The following SCPEP1 variants were observed in gnomAD, a reference collection of about 807,000 sequenced individuals.
SCPEP1 encodes serine carboxypeptidase 1, also known as retinoid-inducible serine carboxypeptidase.
In SCPEP1, 51 loss-of-function variants were observed where a neutral mutation model predicts 63.8. The ratio of observed to expected loss-of-function variants is 0.80; its 90% CI spans 0.64 to 1.01. The LOEUF is 1.01. Ranked by LOEUF, SCPEP1 falls within the 50% of genes least tolerant of loss-of-function variation. The pLI is 0.00. For synonymous variants in SCPEP1, 204 were observed against 207.8 expected (o/e 0.98, Z 0.16); for missense variants, 499 against 554.9 (o/e 0.90, Z 1.01).
intron 10 of SCPEP1, among the ~76,000 whole-genome samples, chr17:57,000,083 G>C (rs1442500321): frequency 6.6e-6 from 1 of 152,136 alleles, no homozygotes; most frequent in Non-Finnish European, 1.5e-5. Context: ...CTGGGAGGTA[G>C]AGGCTGCAGT....
At chr17:56,998,691 GC>G (rs1911648801) in intron 10 of SCPEP1, among the ~76,000 whole-genome samples, 193 bp downstream of exon 10, 1 of 152,206 alleles carries the variant, frequency 6.6e-6, no homozygotes, top group Non-Finnish European at 1.5e-5. Context: ...AGGGCTGGAT[GC>G]AGTGGCTCAC....
intron 8 of SCPEP1, chr17:56,995,903 T>G: frequency 4.8e-6 from 1 of 207,542 alleles, no homozygotes; most frequent in Admixed American, 5.9e-5. Context: ...AAGACTGTCT[T>G]GCAGAGGTGA....
Position 56,990,267 on chromosome 17 carries a change from A to G in SCPEP1, c.547-832A>G, listed in dbSNP as rs1039043082. ...AGTCAGTTGGTGAGTGTGAGGGCAC[A>G]AATGAGACAAAGTAAAAGACTTTCA... On this transcript the variant is annotated intron_variant, in intron 5 of 12. Transcript: ENST00000262288. Among the ~76,000 whole-genome samples the G allele has an allele frequency of 2.0e-5, 3 of 152,272 alleles. No individual in the cohort carries two copies. In the South Asian group the frequency reaches 6.2e-4, roughly 32 times the overall value.
intron 3 of SCPEP1, among the ~76,000 whole-genome samples, chr17:56,986,539 T>C (rs1285452994): frequency 1.4e-5 from 2 of 139,730 alleles, no homozygotes; most frequent in Non-Finnish European, 3.1e-5. Flanking sequence ...TTTCTTTGTT[T>C]TTTTTTTTCT....
chr17:57,004,905 T>C (rs1911840266), intron 12 of SCPEP1, among the ~76,000 whole-genome samples: 2 of 152,214 alleles, frequency 1.3e-5, no homozygotes, highest in African/African-American at 2.4e-5. Context: ...TACTTCACAG[T>C]AAGAAATACA....
In SCPEP1 at chr17:56,978,135, C is replaced by A; in HGVS notation, c.-25C>A. 9.4e-7 allele frequency: 1 copy of A among 1,065,566 alleles called. No individual in the cohort carries two copies. Among genetic ancestry groups the A allele is most frequent in the Non-Finnish European group, 1.3e-6 (1 of 747,724 alleles). 66.0% of individuals were successfully genotyped at this position (1,065,566 alleles called of 1,614,324 possible). On this transcript the variant is annotated 5_prime_UTR_variant, in exon 1 of 13. It adds an upstream start codon to the 5' untranslated region. Coordinates refer to ENST00000262288, the MANE Select transcript of SCPEP1 (RefSeq NM_021626.3). ...ATGGGGCGCCGGGTCCAGCCTGTTG[C>A]TGATGCTGCCGTGCGGTACTTGTCA...
intron 9 of SCPEP1, 143 bp from the exon 10 acceptor site, chr17:56,998,242 C>T (rs1042857658): frequency 2.7e-5 from 15 of 550,152 alleles, no homozygotes; most frequent in Admixed American, 2.1e-4. Flanking sequence ...ACCCAGGAGG[C>T]GGAGGTTTCA....
intron 8 of SCPEP1, among the ~76,000 whole-genome samples, chr17:56,996,430 C>A (rs1911562395): frequency 6.6e-6 from 1 of 152,106 alleles, no homozygotes; most frequent in Non-Finnish European, 1.5e-5. Flanking sequence ...GTCTTGAACT[C>A]CTGACCTTAG....
chr17:56,998,343 A>T, intron 9 of SCPEP1, 42 bp from the exon 10 acceptor site: 2 of 1,348,852 alleles, frequency 1.5e-6, no homozygotes, highest in Non-Finnish European at 1.1e-6. Context: ...TCTTGGCCTT[A>T]CTTCCAGCCC....
chr17:56,997,050 A>C lies in SCPEP1; in HGVS notation c.875A>C (p.His292Pro). Reference protein sequence around the residue: ...MESSLEFTQSHLVCLCQRHVR... With the variant: ...MESSLEFTQSPLVCLCQRHVR... ...TCGAGTCTAGAATTCACACAGAGCCACCTAGGTGAGTGAACCTTGAAGTTA... is the reference window on the plus strand; with the variant it reads ...TCGAGTCTAGAATTCACACAGAGCCCCCTAGGTGAGTGAACCTTGAAGTTA... The change falls in exon 9 of 13, where the codon CAC becomes CCC. Residue 292 changes from histidine to proline, a missense_variant. By Grantham distance (77) the His-to-Pro change is moderately conservative (BLOSUM62 -2). Transcript: ENST00000262288. 1 of 1,582,500 alleles carries C rather than the reference A, an allele frequency of 6.3e-7. No individual in the cohort carries two copies. Among genetic ancestry groups the C allele is most frequent in the Non-Finnish European group, 8.6e-7 (1 of 1,161,626 alleles).
intron 3 of SCPEP1, chr17:56,987,346 C>G (rs1038689714): frequency 1.6e-5 from 3 of 182,170 alleles, no homozygotes; most frequent in African/African-American, 4.8e-5. Context: ...AGTGCATAGA[C>G]TGTCTCTGCA....
At chr17:56,984,883 G>A in intron 2 of SCPEP1, 6 of 164,164 alleles carry the variant, frequency 3.7e-5, no homozygotes, top group South Asian at 1.5e-4. Context: ...AGGATTGCTT[G>A]AGCCCAGGAG....
intron 2 of SCPEP1, chr17:56,982,825 C>T (rs972789450): frequency 1.3e-5 from 2 of 152,114 alleles, no homozygotes; most frequent in Admixed American, 1.3e-4. Flanking sequence ...TGAGGCTTCT[C>T]CTTTGAAGTT....
In SCPEP1 at chr17:56,996,958, T is replaced by G; in HGVS notation, c.787-4T>G. On this transcript the variant is annotated splice_region_variant and splice_polypyrimidine_tract_variant and intron_variant, in intron 8 of 12. Transcript: ENST00000262288. ...AAACAGCCAAATAAACTTTTATATT[T>G]CAGAACACAGATGGGGTGAACTTCT... The G allele has an allele frequency of 6.3e-7, 1 of 1,592,296 alleles. No individual in the cohort carries two copies. Among genetic ancestry groups the G allele is most frequent in the Non-Finnish European group, 8.6e-7 (1 of 1,169,360 alleles).
chr17:56,998,312 A>C, intron 9 of SCPEP1, 73 bp from the exon 10 acceptor site: 1 of 841,888 alleles, frequency 1.2e-6, no homozygotes, highest in Non-Finnish European at 1.8e-6. Context: ...TCTGTCTCAA[A>C]AAAAAAAAAA....
rs759618214 is a variant in SCPEP1 at position 56,995,493 on chromosome 17, G to GGTTT, written c.658-12_658-9dup. The GGTTT allele has an allele frequency of 2.5e-6, 4 of 1,606,586 alleles. No individual in the cohort carries two copies. In the African/African-American group the frequency reaches 5.4e-5, roughly 22 times the overall value. ...AAGTAAAGTGGGTCTTTTTGCTCTT[G>GGTTT]GTTTGCATTCCAGTCTCTTCTCGAA... is the stretch of plus-strand genomic sequence containing the variant. On this transcript the variant is annotated splice_polypyrimidine_tract_variant and intron_variant, in intron 7 of 12. Coordinates refer to ENST00000262288, the MANE Select transcript of SCPEP1 (RefSeq NM_021626.3).
intron 6 of SCPEP1, 131 bp from the exon 7 acceptor site, chr17:56,994,850 G>A (rs1025543708): frequency 1.4e-6 from 1 of 740,374 alleles, no homozygotes; most frequent in Non-Finnish European, 2.4e-6. Context: ...GTGAATTGAG[G>A]AGCCTTCCAA....
At chr17:56,980,958 G>T in intron 1 of SCPEP1, 124 bp from the exon 2 acceptor site, 1 of 1,087,946 alleles carries the variant, frequency 9.2e-7, no homozygotes, top group Non-Finnish European at 1.3e-6. Context: ...ATGTACTGGG[G>T]TGGCTAAATT....
intron 7 of SCPEP1, chr17:56,995,241 A>G (rs1235036655): frequency 1.8e-6 from 1 of 568,266 alleles, no homozygotes; most frequent in Non-Finnish European, 3.1e-6. Context: ...TATAAGAAAC[A>G]CATTTTTCCA....
Sources: allele counts gnomAD v4.1 joint callset (sites outside exome capture counted in the v4.1 genomes callset), GRCh38; gene constraint gnomAD v4.1.1; transcripts MANE v1.5; gene names NCBI Gene and HGNC (gene_info 2026-07-23, HGNC 2026-07-21).